The following PRP4K variants were observed in gnomAD, a reference collection of about 807,000 sequenced individuals.
PRP4K encodes serine/threonine-protein kinase PRP4 homolog.
the PRP4K span, chr6:4,056,861 T>G: frequency 6.6e-6 from 7 of 1,065,436 alleles, no homozygotes. Flanking sequence ...TTTTTAAGTT[T>G]GAGTCTCTAT....
the PRP4K span, among the ~76,000 whole-genome samples, chr6:4,026,606 T>C: frequency 7.1e-4 from 108 of 152,310 alleles, no homozygotes; most frequent in Non-Finnish European, 1.4e-3. Flanking sequence ...CCCGGCCTTA[T>C]GTTATTCTAT....
chr6:4,056,594 G>T, the PRP4K span: 1 of 1,591,834 alleles, frequency 6.3e-7, no homozygotes, highest in Non-Finnish European at 8.5e-7. Context: ...TGGAATGAAG[G>T]TAGTTGTGAC....
chr6:4,022,154 AT>A, the PRP4K span, among the ~76,000 whole-genome samples: 22,004 of 90,962 alleles, frequency 0.24, 1,023 homozygotes, highest in Middle Eastern at 0.32. Flanking sequence ...GAGGCCTGGC[AT>A]TTTTTTTTTT....
chr6:4,056,065 G>C, the PRP4K span, among the ~76,000 whole-genome samples: 1 of 151,180 alleles, frequency 6.6e-6, no homozygotes, highest in Non-Finnish European at 1.5e-5. Flanking sequence ...AAATGCAGTT[G>C]TTAAAATTAA....
the PRP4K span, chr6:4,049,914 T>C: frequency 2.5e-6 from 4 of 1,588,410 alleles, no homozygotes; most frequent in Non-Finnish European, 2.6e-6. Flanking sequence ...CCTTTAACAG[T>C]ACGGATACTT....
the PRP4K span, among the ~76,000 whole-genome samples, chr6:4,033,912 C>T: frequency 5.3e-5 from 8 of 151,914 alleles, no homozygotes; most frequent in Admixed American, 3.9e-4. Context: ...TCTTAATTAT[C>T]TTGGTGGTCT....
the PRP4K span, chr6:4,032,295 G>C: frequency 6.2e-7 from 1 of 1,613,410 alleles, no homozygotes; most frequent in Non-Finnish European, 8.5e-7. Flanking sequence ...ATCTCCTACT[G>C]ATGATAAGGT....
At chr6:4,036,682 T>C in the PRP4K span, among the ~76,000 whole-genome samples, 2 of 152,092 alleles carry the variant, frequency 1.3e-5, no homozygotes, top group Non-Finnish European at 1.5e-5. Context: ...TGGCCTATTA[T>C]ACTTGACATT....
the PRP4K span, among the ~76,000 whole-genome samples, chr6:4,028,363 A>G: frequency 6.6e-6 from 1 of 152,078 alleles, no homozygotes; most frequent in South Asian, 2.1e-4. Context: ...ACATGCTGCC[A>G]TACCCAGTTA....
the PRP4K span, among the ~76,000 whole-genome samples, chr6:4,047,804 A>G: frequency 6.6e-6 from 1 of 152,100 alleles, no homozygotes; most frequent in Non-Finnish European, 1.5e-5. Context: ...TAAATTTCAA[A>G]GGACATGAGA....
At chr6:4,057,676 C>G in the PRP4K span, among the ~76,000 whole-genome samples, 1 of 151,258 alleles carries the variant, frequency 6.6e-6, no homozygotes, top group East Asian at 1.9e-4. Flanking sequence ...GATACTTCAG[C>G]TATAATGCTA....
the PRP4K span, among the ~76,000 whole-genome samples, chr6:4,026,452 G>A: frequency 4.0e-5 from 6 of 151,818 alleles, no homozygotes; most frequent in Non-Finnish European, 4.4e-5. Flanking sequence ...ACAGGCATCC[G>A]CCATTATGCC....
At chr6:4,022,312 A>C in the PRP4K span, among the ~76,000 whole-genome samples, 4 of 152,108 alleles carry the variant, frequency 2.6e-5, no homozygotes, top group Admixed American at 2.6e-4. Context: ...ATGAAAAAAA[A>C]AAAAATACGA....
the PRP4K span, among the ~76,000 whole-genome samples, chr6:4,022,916 C>T: frequency 7.2e-6 from 1 of 138,454 alleles, no homozygotes; most frequent in Admixed American, 7.2e-5. Context: ...GTTTCAGATT[C>T]ATTTCCAGGA....
chr6:4,031,322 C>G, the PRP4K span, among the ~76,000 whole-genome samples: 2 of 152,170 alleles, frequency 1.3e-5, no homozygotes, highest in South Asian at 2.1e-4. Context: ...GGGATTTCCT[C>G]TAATACTTTT....
the PRP4K span, chr6:4,042,508 G>A: frequency 1.8e-5 from 29 of 1,611,352 alleles, no homozygotes; most frequent in Non-Finnish European, 2.4e-5. Flanking sequence ...TTGATGTAGA[G>A]GAAGAAGATG....
At chr6:4,032,901 C>T in the PRP4K span, 1 of 962,022 alleles carries the variant, frequency 1.0e-6, no homozygotes, top group Non-Finnish European at 1.4e-6. Context: ...TTTAAGTAAC[C>T]CAATCCATTA....
chr6:4,031,966 T>C, the PRP4K span: 1 of 1,613,714 alleles, frequency 6.2e-7, no homozygotes, highest in Non-Finnish European at 8.5e-7. Flanking sequence ...GAGGGGGAAA[T>C]TCATGAAAAG....
the PRP4K span, chr6:4,042,376 T>TAA: frequency 3.8e-6 from 3 of 782,540 alleles, no homozygotes; most frequent in South Asian, 5.3e-5. Flanking sequence ...TAATAGGACT[T>TAA]AAGACTTTTG....
Sources: allele counts gnomAD v4.1 joint callset (sites outside exome capture counted in the v4.1 genomes callset), GRCh38; gene constraint gnomAD v4.1.1; transcripts MANE v1.5; gene names NCBI Gene and HGNC (gene_info 2026-07-23, HGNC 2026-07-21).